Variants in RNH1 observed in about 807,000 individuals in gnomAD.
RNH1 encodes the protein ribonuclease/angiogenin inhibitor 1.
Under a neutral mutation model 46.1 loss-of-function variants are expected in RNH1, and 38 were observed. The observed-to-expected ratio is 0.82, with a 90% confidence interval of 0.64 to 1.08. The LOEUF (loss-of-function observed/expected upper bound fraction) is 1.08, where lower values mean the gene tolerates loss of function less well. Among genes scored for constraint, RNH1 ranks in the 50% least tolerant of loss-of-function variants. The pLI is 0.00. For missense variants in RNH1, 577 were observed against 590.7 expected (o/e 0.98, Z 0.24); for synonymous variants, 319 against 279.1 (o/e 1.14, Z -1.43).
chr11:497,535 ACCCTCGTGCT>A (rs1849253984), intron 9 of RNH1, among the ~76,000 whole-genome samples: 1 of 129,384 alleles, frequency 7.7e-6, no homozygotes. Flanking sequence ...TCACACACGG[ACCCTCGTGCT>A]CACTCTCACG....
In RNH1 at chr11:501,119, C is replaced by A; in HGVS notation, c.102-465G>T. On this transcript the variant is annotated intron_variant, in intron 3 of 10. Transcript: ENST00000354420. This position sits in a 1 kb window ranked among gnomAD's most constrained non-coding sequence, Gnocchi z 4.1. ...CCTGGGTGACAGAGCAATGCCCTGT[C>A]TCTAAAAATAAAAAGAATTTAAAGT... is the stretch of plus-strand genomic sequence containing the variant. 6.7e-6 allele frequency: 2 copies of A among 298,720 alleles called. No homozygotes were observed. The highest frequency in any genetic ancestry group is 1.3e-5 in the Non-Finnish European group (2 of 152,526). 18.5% of individuals were successfully genotyped at this position (298,720 alleles called of 1,614,324 possible). A position where few individuals can be genotyped will look rare whatever the true frequency, so the allele number is the denominator to read the frequency against.
intron 2 of RNH1, 114 bp downstream of exon 2, chr11:504,710 C>G (rs889431325): frequency 1.3e-5 from 2 of 152,446 alleles, no homozygotes; most frequent in Admixed American, 1.3e-4. Flanking sequence ...CGCCTTCCCC[C>G]AGACCATCCC....
At position 494,934 on chromosome 11, in the gene RNH1, A is replaced by C. The variant is rs964948358; in HGVS notation, c.1247T>G (p.Leu416Arg). ...SNNCLGDAGILQLVESVRQPG... is the reference protein window; with the variant it reads ...SNNCLGDAGIRQLVESVRQPG... ...CTGCCGGACGCTCTCCACCAGCTGC[A>C]GGATGCCGGCGTCCCCCAGGCAGTT... Residue 416 changes from leucine (L) to arginine (R), a missense_variant, in exon 10 of 11, where the codon CTG becomes CGG. By Grantham distance (102) the Leu-to-Arg change is moderately radical. Coordinates refer to ENST00000354420, the MANE Select transcript of RNH1 (RefSeq NM_203387.3). The C allele has an allele frequency of 1.9e-6, 3 of 1,610,168 alleles. No homozygotes were observed. The highest frequency in any genetic ancestry group is 2.5e-6 in the Non-Finnish European group (3 of 1,178,642).
chr11:503,690 C>T (rs1162039689), intron 2 of RNH1: 4 of 152,326 alleles, frequency 2.6e-5, no homozygotes, highest in African/African-American at 9.6e-5. Context: ...TCCAGCCTGA[C>T]ACTCCTGTGT....
chr11:498,189 C>T, intron 8 of RNH1, 48 bp from the exon 9 acceptor site: 1 of 1,565,020 alleles, frequency 6.4e-7, no homozygotes, highest in Non-Finnish European at 8.7e-7. Context: ...CAGGCTGGCC[C>T]ACAGCTGCGA....
At chr11:500,049 G>A (rs1008718346) in intron 4 of RNH1, 50 bp from the exon 5 acceptor site, 17 of 1,481,198 alleles carry the variant, frequency 1.1e-5, no homozygotes, top group African/African-American at 5.6e-5. Flanking sequence ...AAGCTGCCAC[G>A]CCCTTCGCCT....
At chr11:505,744 G>T (rs1195415641) in intron 1 of RNH1, 1 of 152,168 alleles carries the variant, frequency 6.6e-6, no homozygotes, top group South Asian at 2.1e-4. Flanking sequence ...ATCTTTTGTA[G>T]AGACGGGGGT....
rs542149752 is a variant in RNH1, at chr11:500,410, C to A, written c.272+74G>T. The A allele has an allele frequency of 1.7e-5, 26 of 1,525,212 alleles. 1 individual carries two copies. In the Admixed American group the frequency reaches 3.5e-4, roughly 20 times the overall value. 94.5% of individuals were successfully genotyped at this position (1,525,212 alleles called of 1,614,324 possible). A position where few individuals can be genotyped will look rare whatever the true frequency, so the allele number is the denominator to read the frequency against. On this transcript the variant is annotated intron_variant, in intron 4 of 10. Transcript: ENST00000354420. ...CCTGCAGCTGCCCACGCGCCCCTGG[C>A]GGCTCTGTCCCCTGCTGCCGGGCTA...
chr11:504,089 A>G (rs972541818), intron 2 of RNH1, among the ~76,000 whole-genome samples: 1 of 152,198 alleles, frequency 6.6e-6, no homozygotes, highest in African/African-American at 2.4e-5. Context: ...GACTTTCTCA[A>G]CCTTACGGAG....
intron 2 of RNH1, among the ~76,000 whole-genome samples, chr11:504,199 G>A (rs1850018266): frequency 6.6e-6 from 1 of 152,184 alleles, no homozygotes; most frequent in South Asian, 2.1e-4. Flanking sequence ...CCGACGTGAC[G>A]GGGGCGCGGG....
chr11:495,086 G>A (rs763659456), intron 9 of RNH1, 33 bp from the exon 10 acceptor site: 1 of 1,586,802 alleles, frequency 6.3e-7, no homozygotes, highest in Admixed American at 1.8e-5. Flanking sequence ...CAGGGTGCCG[G>A]GCGTGCCTGG....
In RNH1 at chr11:498,624, G is replaced by A. The variant is rs778929414; in HGVS notation, c.789C>T (p.Ile263=). The part of the protein sequence containing the change: ...HPSSRLRTLW[I]WECGITAKGC... ...CCTTGGCAGTGATGCCACACTCCCA[G>A]ATCCTGCAGGACATGGACCACCACA... is the stretch of plus-strand genomic sequence containing the variant. The change falls in exon 8 of 11, where the codon ATC becomes ATT. Residue 263 remains isoleucine (I), a synonymous_variant. Transcript: ENST00000354420. 3 of 1,611,974 alleles carry A rather than the reference G, an allele frequency of 1.9e-6. No homozygotes were observed. The highest frequency in any genetic ancestry group is 2.7e-5 in the African/African-American group (2 of 74,940).
At chr11:497,884 ACAG>A in intron 9 of RNH1, 84 bp downstream of exon 9, 3 of 1,388,714 alleles carry the variant, frequency 2.2e-6, no homozygotes, top group Non-Finnish European at 2.9e-6. Flanking sequence ...TCGTGCTCAC[ACAG>A]ATACTCGTGC....
At chr11:500,724 C>A in intron 3 of RNH1, 70 bp from the exon 4 acceptor site, 1 of 1,544,198 alleles carries the variant, frequency 6.5e-7, no homozygotes, top group Non-Finnish European at 8.8e-7. Flanking sequence ...CACCACCCCA[C>A]GTGCAGGTTA....
Position 498,640 on chromosome 11 carries a change from G to C in RNH1, c.786-13C>G, listed in dbSNP as rs746752054. ...ACACTCCCAGATCCTGCAGGACATG[G>C]ACCACCACAGACTTTCCTCAGCACC... is the stretch of plus-strand genomic sequence containing the variant. On this transcript the variant is annotated splice_polypyrimidine_tract_variant and intron_variant, in intron 7 of 10. Coordinates refer to ENST00000354420, the MANE Select transcript of RNH1 (RefSeq NM_203387.3). 1 of 1,610,944 alleles carries C rather than the reference G, an allele frequency of 6.2e-7. No homozygotes were observed. Among genetic ancestry groups the C allele is most frequent in the South Asian group, 1.1e-5 (1 of 91,080 alleles).
chr11:505,713 C>A (rs997853250), intron 1 of RNH1: 1 of 152,146 alleles, frequency 6.6e-6, no homozygotes, highest in Non-Finnish European at 1.5e-5. Context: ...CGTTCACTAC[C>A]GCAACTGGCT....
intron 8 of RNH1, 38 bp downstream of exon 8, chr11:498,419 C>T: frequency 6.2e-7 from 1 of 1,605,372 alleles, no homozygotes; most frequent in Non-Finnish European, 8.5e-7. Flanking sequence ...CTGGCCCTCT[C>T]TTGGGCGACA....
At chr11:500,339 G>A (rs1849631956) in intron 4 of RNH1, 145 bp downstream of exon 4, 3 of 988,210 alleles carry the variant, frequency 3.0e-6, no homozygotes, top group African/African-American at 1.6e-5. Context: ...CCAGGCCTGT[G>A]TGCCTCTGGC....
In RNH1 at chr11:498,115, G is replaced by A; in HGVS notation, c.983C>T (p.Ala328Val). The A allele has an allele frequency of 6.2e-7, 1 of 1,613,870 alleles. No individual in the cohort carries two copies. The highest frequency in any genetic ancestry group is 8.5e-7 in the Non-Finnish European group (1 of 1,179,972). ...CACTGAGCTGAAGTGGGAGCAGCAG[G>A]CGGCTGTGAAGCTGCAGGACTTCAC... ...LWVKSCSFTA[A>V]CCSHFSSVLA... is the part of the protein sequence containing the mutation. The change falls in exon 9 of 11, where the codon GCC becomes GTC. Residue 328 changes from alanine to valine, a missense_variant. Coordinates refer to ENST00000354420, the MANE Select transcript of RNH1 (RefSeq NM_203387.3).
Sources: gnomAD v4.1 joint callset for allele counts (sites outside exome capture counted in the v4.1 genomes callset) on GRCh38, gnomAD v4.1.1 for gene constraint, Gnocchi (gnomAD v3.1) non-coding constraint, MANE v1.5 for transcripts, NCBI Gene and HGNC (gene_info 2026-07-23, HGNC 2026-07-21) for gene names.